The following DCC variants were observed in gnomAD, a reference collection of about 807,000 sequenced individuals.
DCC encodes the protein netrin receptor DCC.
In DCC, 58 loss-of-function variants were observed where a neutral mutation model predicts 172.5. That is an observed-to-expected ratio of 0.34 (90% CI 0.27 to 0.42). The LOEUF (loss-of-function observed/expected upper bound fraction) is 0.42, where lower values mean the gene tolerates loss of function less well. DCC is among the 10% of genes least tolerant of loss of function. The pLI is 1.00. For synonymous variants in DCC, 709 were observed against 644.5 expected, an observed-to-expected ratio of 1.10 and a Z score of -1.52; for missense variants, 1,740 against 1,791.0, an observed-to-expected ratio of 0.97 and a Z score of 0.51.
intron 2 of DCC, among the ~76,000 whole-genome samples, chr18:52,865,605 G>C (rs1302051397): frequency 2.7e-5 from 4 of 150,624 alleles, no homozygotes; most frequent in African/African-American, 7.3e-5. Flanking sequence ...GACCAGTGAT[G>C]ATGAGCTTTT....
chr18:52,905,956 CTA>C, intron 2 of DCC, 86 bp from the exon 3 acceptor site: 1 of 941,178 alleles, frequency 1.1e-6, no homozygotes, highest in Non-Finnish European at 1.7e-6. Context: ...ATATAATTTT[CTA>C]CAAAGAATAC....
chr18:53,145,770 G>T (rs1330611612), intron 7 of DCC, among the ~76,000 whole-genome samples: 5 of 152,120 alleles, frequency 3.3e-5, no homozygotes, highest in South Asian at 4.1e-4. Flanking sequence ...AAGAGAGAAA[G>T]AAATAAATAG....
chr18:53,515,284 T>G (rs1340399164), intron 27 of DCC, among the ~76,000 whole-genome samples: 1 of 151,542 alleles, frequency 6.6e-6, no homozygotes, highest in East Asian at 1.9e-4. Flanking sequence ...AATTAGGTAT[T>G]GATGGGACGT....
chr18:52,688,530 T>A (rs761197336), intron 1 of DCC, among the ~76,000 whole-genome samples: 1 of 152,056 alleles, frequency 6.6e-6, no homozygotes, highest in Non-Finnish European at 1.5e-5. Context: ...AAGTAGCAGA[T>A]ATGTAGGATA....
At chr18:53,161,064 C>A (rs2054830903) in intron 8 of DCC, among the ~76,000 whole-genome samples, 1 of 152,210 alleles carries the variant, frequency 6.6e-6, no homozygotes, top group Non-Finnish European at 1.5e-5. Context: ...GTAGTCGAAT[C>A]TTCCATTGCA....
chr18:53,371,739 A>C (rs1016292558), intron 15 of DCC, among the ~76,000 whole-genome samples: 1 of 152,026 alleles, frequency 6.6e-6, no homozygotes. Context: ...ATATTATATC[A>C]ACTATTTTAT....
At chr18:52,650,845 C>T (rs1029077353) in intron 1 of DCC, among the ~76,000 whole-genome samples, 4 of 152,166 alleles carry the variant, frequency 2.6e-5, no homozygotes, top group Non-Finnish European at 5.9e-5. Context: ...TGACAAAATA[C>T]TTGTTGTCTG....
At chr18:53,386,764 A>G (rs1159861187) in intron 16 of DCC, among the ~76,000 whole-genome samples, 1 of 152,184 alleles carries the variant, frequency 6.6e-6, no homozygotes, top group Non-Finnish European at 1.5e-5. Flanking sequence ...GGCAGTACAT[A>G]AGAGTGAAAG....
intron 1 of DCC, among the ~76,000 whole-genome samples, chr18:52,739,825 A>G (rs2036790607): frequency 6.6e-6 from 1 of 152,146 alleles, no homozygotes; most frequent in African/African-American, 2.4e-5. Context: ...TTCTTTTTTC[A>G]TATACATTAT....
intron 12 of DCC, among the ~76,000 whole-genome samples, chr18:53,289,669 G>T (rs897765769): frequency 6.6e-6 from 1 of 151,962 alleles, no homozygotes; most frequent in African/African-American, 2.4e-5. Flanking sequence ...AATAAAAAAA[G>T]ATCATTAACA....
At chr18:52,612,910 C>T (rs1035805541) in intron 1 of DCC, among the ~76,000 whole-genome samples, 2 of 152,202 alleles carry the variant, frequency 1.3e-5, no homozygotes, top group Non-Finnish European at 2.9e-5. Flanking sequence ...CTGCATGTAA[C>T]ATATTATGTT....
intron 2 of DCC, among the ~76,000 whole-genome samples, chr18:52,862,406 A>T (rs1464540888): frequency 6.7e-6 from 1 of 150,116 alleles, no homozygotes; most frequent in African/African-American, 2.5e-5. Flanking sequence ...AGTGATAATT[A>T]AAAAAAAATA....
chr18:52,797,285 AATT>A (rs2037894381), intron 2 of DCC, among the ~76,000 whole-genome samples: 1 of 152,138 alleles, frequency 6.6e-6, no homozygotes, highest in Non-Finnish European at 1.5e-5. Context: ...GTTATTGAAG[AATT>A]ATTTTGTTCT....
At chr18:53,258,813 G>A (rs2056556199) in intron 12 of DCC, among the ~76,000 whole-genome samples, 1 of 152,160 alleles carries the variant, frequency 6.6e-6, no homozygotes, top group Admixed American at 6.5e-5. Context: ...ACAGTGGGGT[G>A]TTAAAGTCTC....
At chr18:52,488,003 A>C (rs1423381570) in intron 1 of DCC, among the ~76,000 whole-genome samples, 2 of 152,072 alleles carry the variant, frequency 1.3e-5, no homozygotes, top group Non-Finnish European at 2.9e-5. Context: ...GATGATGGCA[A>C]AGCATGTCAT....
intron 1 of DCC, among the ~76,000 whole-genome samples, chr18:52,747,008 A>T (rs2007734547): frequency 6.6e-6 from 1 of 152,056 alleles, no homozygotes; most frequent in Non-Finnish European, 1.5e-5. Context: ...TGATGATCTG[A>T]CACCTCATTA....
intron 1 of DCC, chr18:52,409,206 A>G (rs1291777726): frequency 6.6e-6 from 1 of 152,130 alleles, no homozygotes; most frequent in Non-Finnish European, 1.5e-5. Flanking sequence ...CAGGCACAGG[A>G]TATCACTACG....
intron 1 of DCC, among the ~76,000 whole-genome samples, chr18:52,548,946 A>C (rs2032690859): frequency 6.6e-6 from 1 of 152,124 alleles, no homozygotes; most frequent in Non-Finnish European, 1.5e-5. Context: ...ATTTGACTAT[A>C]CTTGGATCTA....
intron 7 of DCC, among the ~76,000 whole-genome samples, chr18:53,085,985 T>TCTTCTC (rs1307423215): frequency 1.6e-5 from 1 of 61,618 alleles, no homozygotes; most frequent in Non-Finnish European, 3.0e-5. Context: ...TTCTTCTTCT[T>TCTTCTC]CTTCTCCTTC....
Sources: allele counts gnomAD v4.1 joint callset (sites outside exome capture counted in the v4.1 genomes callset), GRCh38; gene constraint gnomAD v4.1.1; transcripts MANE v1.5; gene names NCBI Gene and HGNC (gene_info 2026-07-23, HGNC 2026-07-21).